FAM168A: variants seen among roughly 807,000 people sequenced by gnomAD.
FAM168A encodes protein FAM168A.
Under a neutral mutation model 28.5 loss-of-function variants are expected in FAM168A, and 3 were observed. The observed-to-expected ratio is 0.11, with a 90% CI of 0.05 to 0.27. The LOEUF is 0.27. Ranked by LOEUF, FAM168A falls within the 10% of genes least tolerant of loss-of-function variation. The probability of loss-of-function intolerance (pLI) is 1.00; values close to 1 mark genes in which losing one functional copy is unlikely to be tolerated. For missense variants in FAM168A, 222 were observed against 311.5 expected (o/e 0.71, Z 2.16); for synonymous variants, 122 against 124.2 (o/e 0.98, Z 0.12).
At chr11:73,452,430 A>T (rs1285505268) in intron 2 of FAM168A, 1 of 152,270 alleles carries the variant, frequency 6.6e-6, no homozygotes, top group East Asian at 1.9e-4. Context: ...ATAAGCCCTA[A>T]CCCTCACTGT....
chr11:73,443,540 T>TC (rs1408792729), intron 2 of FAM168A, among the ~76,000 whole-genome samples: 8 of 152,176 alleles, frequency 5.3e-5, no homozygotes, highest in African/African-American at 1.9e-4. Flanking sequence ...TTGCTGCAAC[T>TC]CCAAGTTAGT....
chr11:73,498,733 C>T (rs1028376540), intron 1 of FAM168A, among the ~76,000 whole-genome samples: 1 of 152,214 alleles, frequency 6.6e-6, no homozygotes, highest in Non-Finnish European at 1.5e-5. Flanking sequence ...CAGCCCAACA[C>T]ACAGGCTGTG....
intron 2 of FAM168A, among the ~76,000 whole-genome samples, chr11:73,465,401 A>C (rs1029603358): frequency 6.6e-6 from 1 of 152,122 alleles, no homozygotes; most frequent in South Asian, 2.1e-4. Context: ...CCTGGTCTAT[A>C]AACAGCCCAC....
intron 4 of FAM168A, among the ~76,000 whole-genome samples, chr11:73,415,605 G>A (rs1163126751): frequency 1.3e-5 from 2 of 152,218 alleles, no homozygotes; most frequent in Non-Finnish European, 2.9e-5. Context: ...AATCATTTCA[G>A]AGGACTTTCC....
At chr11:73,560,564 T>C (rs994873003) in intron 1 of FAM168A, among the ~76,000 whole-genome samples, 2 of 152,206 alleles carry the variant, frequency 1.3e-5, no homozygotes, top group African/African-American at 4.8e-5. Flanking sequence ...TGACTAAGGC[T>C]ATCAACCTGC....
chr11:73,561,033 G>C (rs1943951774), intron 1 of FAM168A, among the ~76,000 whole-genome samples: 1 of 145,970 alleles, frequency 6.9e-6, no homozygotes, highest in South Asian at 2.1e-4. Context: ...CTGCACTCCA[G>C]CCTGGGTGAC....
intron 1 of FAM168A, among the ~76,000 whole-genome samples, chr11:73,484,281 T>C (rs1227017098): frequency 6.6e-6 from 1 of 152,138 alleles, no homozygotes. Context: ...ATAAGCTGAA[T>C]AGCCCAGCCT....
At chr11:73,468,920 T>C (rs946973115) in intron 1 of FAM168A, among the ~76,000 whole-genome samples, 2 of 152,242 alleles carry the variant, frequency 1.3e-5, no homozygotes, top group African/African-American at 4.8e-5. Context: ...TGGAAAAGGA[T>C]AAGCTTTCTA....
chr11:73,480,508 G>T (rs1351936554), intron 1 of FAM168A, among the ~76,000 whole-genome samples: 1 of 151,840 alleles, frequency 6.6e-6, no homozygotes, highest in Non-Finnish European at 1.5e-5. Flanking sequence ...GCCCTTAAAA[G>T]AACTCATCTT....
chr11:73,510,574 A>C, intron 1 of FAM168A: 1 of 240,038 alleles, frequency 4.2e-6, no homozygotes, highest in African/African-American at 2.3e-5. Flanking sequence ...TAAAATGAGC[A>C]GGGATTAGAG....
intron 6 of FAM168A, among the ~76,000 whole-genome samples, chr11:73,409,200 C>T (rs1369396893): frequency 6.6e-6 from 1 of 152,182 alleles, no homozygotes; most frequent in Non-Finnish European, 1.5e-5. Context: ...CTCCATTCCT[C>T]CATTCTGTGA....
chr11:73,496,899 ACACACACG>A (rs758699915), intron 1 of FAM168A, among the ~76,000 whole-genome samples: 3,544 of 149,688 alleles, frequency 0.024, 52 homozygotes, highest in South Asian at 0.071. Flanking sequence ...ACACACACAC[ACACACACG>A]CACACACACG....
chr11:73,430,651 C>G lies in FAM168A; in HGVS notation c.151+39G>C, dbSNP rs761966375. The G allele has an allele frequency of 2.5e-6, 4 of 1,571,562 alleles. No homozygotes were observed. In the South Asian group the frequency reaches 3.3e-5, roughly 13 times the overall value. ...GCTTTTCCCAAATAGAGTCCCCCTT[C>G]CCACTCCATTCGCCACTGCTGTCCC... On this transcript the variant is annotated intron_variant, in intron 3 of 7. Transcript: ENST00000356467.
intron 1 of FAM168A, among the ~76,000 whole-genome samples, chr11:73,527,169 C>A (rs1380340958): frequency 6.6e-6 from 1 of 152,108 alleles, no homozygotes; most frequent in Admixed American, 6.6e-5. Flanking sequence ...TTTTGAACTG[C>A]AACTCAGCCT....
At chr11:73,544,907 AAT>A (rs1943714572) in intron 1 of FAM168A, among the ~76,000 whole-genome samples, 2 of 93,254 alleles carry the variant, frequency 2.1e-5, no homozygotes, top group South Asian at 2.4e-4. Context: ...TATATTATAT[AAT>A]ATATATTATA....
chr11:73,587,806 G>C (rs181961842), intron 1 of FAM168A, among the ~76,000 whole-genome samples: 1 of 152,200 alleles, frequency 6.6e-6, no homozygotes, highest in East Asian at 1.9e-4. Flanking sequence ...CTGGAGGGCA[G>C]TGGCGCAATC....
At chr11:73,541,292 C>T (rs1294107353) in intron 1 of FAM168A, among the ~76,000 whole-genome samples, 1 of 151,982 alleles carries the variant, frequency 6.6e-6, no homozygotes, top group East Asian at 1.9e-4. Flanking sequence ...AGAAAGACCA[C>T]AGGCTTTGAG....
At position 73,434,330 on chromosome 11, in the gene FAM168A, A is replaced by G. The variant is rs377281923; in HGVS notation, c.71-3560T>C. On this transcript the variant is annotated intron_variant, in intron 2 of 7. Coordinates refer to ENST00000356467, the MANE Select transcript of FAM168A (RefSeq NM_015159.3). ...TATTAAACATAAAGTCTTCAGTGCT[A>G]TGGAAAAGAGAAAATGGGCAAAGTA... is the stretch of plus-strand genomic sequence containing the variant. 2.7e-4 allele frequency among the ~76,000 whole-genome samples: 41 copies of G among 152,324 alleles called. No individual in the cohort carries two copies. In the East Asian group the frequency reaches 2.7e-3, roughly 10 times the overall value.
intron 2 of FAM168A, among the ~76,000 whole-genome samples, chr11:73,464,906 A>G (rs1442550594): frequency 6.6e-6 from 1 of 151,816 alleles, no homozygotes; most frequent in Non-Finnish European, 1.5e-5. Context: ...AGGCCCAGAA[A>G]GCTTGATAAC....
Sources: gnomAD v4.1 joint callset for allele counts (sites outside exome capture counted in the v4.1 genomes callset) on GRCh38, gnomAD v4.1.1 for gene constraint, MANE v1.5 for transcripts, NCBI Gene and HGNC (gene_info 2026-07-23, HGNC 2026-07-21) for gene names.